HIBADH: variants seen among roughly 807,000 people sequenced by gnomAD.
HIBADH encodes the protein 3-hydroxyisobutyrate dehydrogenase, mitochondrial.
In HIBADH, 25 loss-of-function variants were observed where a neutral mutation model predicts 36.1. The ratio of observed to expected loss-of-function variants is 0.69; its 90% confidence interval spans 0.50 to 0.97. The LOEUF (loss-of-function observed/expected upper bound fraction) is 0.97. HIBADH is among the 50% of genes least tolerant of loss of function. HIBADH has a pLI of 0.00. For missense variants in HIBADH, 421 were observed against 418.0 expected, an observed-to-expected ratio of 1.01 and a Z score of -0.06; for synonymous variants, 160 against 149.5, an observed-to-expected ratio of 1.07 and a Z score of -0.51.
At chr7:27,545,074 T>G (rs981599483) in intron 4 of HIBADH, among the ~76,000 whole-genome samples, 1 of 152,208 alleles carries the variant, frequency 6.6e-6, no homozygotes. Flanking sequence ...TTGACATTCC[T>G]TGGAACCAAA....
chr7:27,585,644 G>T (rs1373973998), intron 4 of HIBADH, among the ~76,000 whole-genome samples: 1 of 152,146 alleles, frequency 6.6e-6, no homozygotes, highest in South Asian at 2.1e-4. Flanking sequence ...AAAAGCATTT[G>T]TAAGACGATT....
intron 4 of HIBADH, among the ~76,000 whole-genome samples, chr7:27,612,740 C>T (rs1051894104): frequency 6.6e-6 from 1 of 151,178 alleles, no homozygotes; most frequent in Non-Finnish European, 1.5e-5. Context: ...TGGAGATCAG[C>T]CTGGGCAGCA....
intron 4 of HIBADH, among the ~76,000 whole-genome samples, chr7:27,616,842 TAAG>T (rs1258731353): frequency 2.6e-5 from 4 of 151,432 alleles, no homozygotes; most frequent in African/African-American, 9.7e-5. Flanking sequence ...GCTTATAAAA[TAAG>T]AATATCAGGA....
At chr7:27,646,480 C>T (rs1320227404) in intron 2 of HIBADH, among the ~76,000 whole-genome samples, 2 of 152,026 alleles carry the variant, frequency 1.3e-5, no homozygotes, top group African/African-American at 4.8e-5. Context: ...AAACCACAGA[C>T]AGTACCAAAT....
At chr7:27,573,609 T>G (rs2128188376) in intron 4 of HIBADH, among the ~76,000 whole-genome samples, 1 of 152,296 alleles carries the variant, frequency 6.6e-6, no homozygotes, top group Admixed American at 6.5e-5. Flanking sequence ...TTGCATGTAT[T>G]TAACAAACTT....
At chr7:27,647,299 T>C (rs1562658161) in intron 2 of HIBADH, among the ~76,000 whole-genome samples, 1 of 152,174 alleles carries the variant, frequency 6.6e-6, no homozygotes, top group African/African-American at 2.4e-5. Context: ...GCACAAGATT[T>C]CATCATGCTA....
chr7:27,595,625 A>T (rs1018424571), intron 4 of HIBADH, among the ~76,000 whole-genome samples: 7 of 134,760 alleles, frequency 5.2e-5, no homozygotes, highest in South Asian at 2.4e-4. Flanking sequence ...TGTGTGTGTG[A>T]ACCGCTATAT....
chr7:27,558,924 G>A (rs1455255700), intron 4 of HIBADH, among the ~76,000 whole-genome samples: 1 of 152,124 alleles, frequency 6.6e-6, no homozygotes, highest in African/African-American at 2.4e-5. Flanking sequence ...TAGTTTGCCA[G>A]GGCCATCATA....
chr7:27,564,178 G>GC (rs1784506291), intron 4 of HIBADH, among the ~76,000 whole-genome samples: 1 of 152,096 alleles, frequency 6.6e-6, no homozygotes, highest in Non-Finnish European at 1.5e-5. Flanking sequence ...GATTACAGGC[G>GC]TGAGCCACCG....
At chr7:27,635,616 G>A (rs1785825409) in intron 2 of HIBADH, among the ~76,000 whole-genome samples, 1 of 152,176 alleles carries the variant, frequency 6.6e-6, no homozygotes, top group Admixed American at 6.5e-5. Context: ...TTCTAAGAAG[G>A]TATGGTTCCC....
intron 4 of HIBADH, among the ~76,000 whole-genome samples, chr7:27,555,302 C>CT (rs3072856): frequency 0.39 from 50,042 of 127,268 alleles, 11,103 homozygotes; most frequent in East Asian, 0.87. Flanking sequence ...TCTTGCTCTA[C>CT]TTTTTTTTTT....
chr7:27,624,829 G>A (rs1299970386), intron 4 of HIBADH, among the ~76,000 whole-genome samples: 1 of 152,130 alleles, frequency 6.6e-6, no homozygotes, highest in Non-Finnish European at 1.5e-5. Context: ...TGCTTATCCT[G>A]TCTATTTCAC....
chr7:27,651,362 GTACACTGGTATAAT>G lies in HIBADH; in HGVS notation c.92-1743_92-1730del, dbSNP rs1786191813. Reference sequence around the variant, plus strand: ...CTAAGTTTAATACACTGGTATAATAGTACACTGGTATAATAGTACACTGGTATAGTTTGTCTTTC... The same window carrying G: ...CTAAGTTTAATACACTGGTATAATAGAGTACACTGGTATAGTTTGTCTTTC... On this transcript the variant is annotated intron_variant, in intron 1 of 7. Transcript: ENST00000265395. Among the ~76,000 whole-genome samples, 3 of 7,692 alleles carry G rather than the reference GTACACTGGTATAAT, an allele frequency of 3.9e-4. No individual in the cohort carries two copies. In the African/African-American group the frequency reaches 4.2e-3, roughly 11 times the overall value. The allele number at this position is 7,692 out of a possible 152,430, so 5.0% of individuals were successfully genotyped here.
intron 2 of HIBADH, among the ~76,000 whole-genome samples, chr7:27,637,184 C>A (rs943131430): frequency 6.6e-6 from 1 of 152,116 alleles, no homozygotes; most frequent in African/African-American, 2.4e-5. Flanking sequence ...GAGAAAGGTA[C>A]TCTTATCATC....
intron 4 of HIBADH, among the ~76,000 whole-genome samples, chr7:27,625,166 A>G (rs1482052002): frequency 1.3e-5 from 2 of 152,212 alleles, no homozygotes; most frequent in Non-Finnish European, 2.9e-5. Flanking sequence ...TTTAATCTAC[A>G]TTCAATGTGT....
intron 2 of HIBADH, among the ~76,000 whole-genome samples, chr7:27,642,781 A>T: frequency 6.7e-6 from 1 of 150,150 alleles, no homozygotes; most frequent in Non-Finnish European, 1.5e-5. Flanking sequence ...CCTCCCAAGT[A>T]GCTGGGACTA....
At chr7:27,639,731 A>G (rs969358796) in intron 2 of HIBADH, among the ~76,000 whole-genome samples, 3 of 149,398 alleles carry the variant, frequency 2.0e-5, no homozygotes, top group African/African-American at 7.3e-5. Flanking sequence ...TTTTGTTTTT[A>G]AATTAAAAAA....
intron 4 of HIBADH, among the ~76,000 whole-genome samples, chr7:27,595,333 A>G (rs1467385208): frequency 6.6e-6 from 1 of 152,110 alleles, no homozygotes; most frequent in Non-Finnish European, 1.5e-5. Flanking sequence ...CCTGGCCAAC[A>G]TGACAAAACC....
intron 2 of HIBADH, among the ~76,000 whole-genome samples, chr7:27,634,354 T>C (rs1785799769): frequency 6.6e-6 from 1 of 152,040 alleles, no homozygotes; most frequent in African/African-American, 2.4e-5. Context: ...TCCATCAAAT[T>C]ACAAAGAAAT....
Sources: allele counts gnomAD v4.1 joint callset (sites outside exome capture counted in the v4.1 genomes callset), GRCh38; gene constraint gnomAD v4.1.1; transcripts MANE v1.5; gene names NCBI Gene and HGNC (gene_info 2026-07-23, HGNC 2026-07-21).